TBX15: variants seen among roughly 807,000 people sequenced by gnomAD.
TBX15 encodes the protein T-box transcription factor 15, also known as T-box transcription factor TBX15.
TBX15 carries 18 observed loss-of-function variants against 53.9 expected under a neutral mutation model. The ratio of observed to expected loss-of-function variants is 0.33; its 90% CI spans 0.23 to 0.49. The LOEUF is 0.49. Among genes scored for constraint, TBX15 ranks in the 20% least tolerant of loss-of-function variants. The pLI is 0.98. For missense variants in TBX15, 692 were observed against 749.5 expected (o/e 0.92, Z 0.90); for synonymous variants, 295 against 278.0 (o/e 1.06, Z -0.61).
At chr1:118,978,701 T>C (rs776467180) in intron 1 of TBX15, among the ~76,000 whole-genome samples, 33 of 152,208 alleles carry the variant, frequency 2.2e-4, no homozygotes, top group Non-Finnish European at 3.8e-4. Flanking sequence ...TGAAGACATA[T>C]ATATCCACAT....
At chr1:118,942,342 G>A (rs1388383683) in intron 1 of TBX15, among the ~76,000 whole-genome samples, 1 of 152,136 alleles carries the variant, frequency 6.6e-6, no homozygotes, top group Non-Finnish European at 1.5e-5. Context: ...CACCTATTAT[G>A]CACTCAATAA....
intron 7 of TBX15, among the ~76,000 whole-genome samples, chr1:118,886,781 T>C (rs555533991): frequency 1.3e-5 from 2 of 152,250 alleles, no homozygotes; most frequent in Admixed American, 1.3e-4. Flanking sequence ...GCCTAAGAAT[T>C]TGCATTTCCA....
chr1:118,894,384 T>A (rs901654439), intron 7 of TBX15, among the ~76,000 whole-genome samples: 5 of 152,258 alleles, frequency 3.3e-5, no homozygotes, highest in Admixed American at 1.3e-4. Context: ...ACATGCAAGG[T>A]CTAGCGACAA....
At chr1:118,926,761 A>G (rs1655608592) in intron 2 of TBX15, 150 bp from the exon 3 acceptor site, 3 of 706,970 alleles carry the variant, frequency 4.2e-6, no homozygotes, top group East Asian at 2.9e-5. Flanking sequence ...GCTGGAGTGC[A>G]GTAGCACAAT....
At chr1:118,969,718 G>A (rs1657169134) in intron 1 of TBX15, among the ~76,000 whole-genome samples, 1 of 152,226 alleles carries the variant, frequency 6.6e-6, no homozygotes, top group Non-Finnish European at 1.5e-5. Flanking sequence ...AATGTATCTT[G>A]AAGAAGTATC....
chr1:118,946,953 G>T (rs541941398), intron 1 of TBX15, among the ~76,000 whole-genome samples: 86 of 152,280 alleles, frequency 5.6e-4, no homozygotes, highest in Non-Finnish European at 1.0e-3. Flanking sequence ...AGCTTACCAG[G>T]TTCTTTCTCC....
At chr1:118,944,017 C>G (rs950478048) in intron 1 of TBX15, among the ~76,000 whole-genome samples, 3 of 152,094 alleles carry the variant, frequency 2.0e-5, no homozygotes, top group African/African-American at 7.2e-5. Context: ...GCTTTGATGG[C>G]AGAAAGAAGT....
chr1:118,895,092 G>A (rs983158622), intron 7 of TBX15, among the ~76,000 whole-genome samples: 2 of 152,100 alleles, frequency 1.3e-5, no homozygotes, highest in Admixed American at 1.3e-4. Context: ...TTACTTGTAT[G>A]ACTTGATCGG....
chr1:118,964,540 C>T (rs1041972425), intron 1 of TBX15, among the ~76,000 whole-genome samples: 1 of 152,230 alleles, frequency 6.6e-6, no homozygotes, highest in Non-Finnish European at 1.5e-5. Flanking sequence ...TTGAAAACTT[C>T]CAGGGGCTCC....
intron 7 of TBX15, among the ~76,000 whole-genome samples, chr1:118,898,122 C>G (rs1307430734): frequency 1.3e-5 from 2 of 152,064 alleles, no homozygotes; most frequent in East Asian, 3.9e-4. Context: ...AACTGGGTGT[C>G]AGAAAAGTTG....
intron 1 of TBX15, among the ~76,000 whole-genome samples, chr1:118,986,549 G>A (rs1443722212): frequency 6.6e-6 from 1 of 152,214 alleles, no homozygotes. Context: ...CCTCCTCTGA[G>A]TTGGACAGCT....
chr1:118,906,679 C>T (rs561765170), intron 6 of TBX15, among the ~76,000 whole-genome samples: 1 of 152,306 alleles, frequency 6.6e-6, no homozygotes, highest in South Asian at 2.1e-4. Flanking sequence ...AAGTATCAAC[C>T]TCATTAAACA....
intron 1 of TBX15, among the ~76,000 whole-genome samples, chr1:118,938,358 C>T (rs1656033301): frequency 6.6e-6 from 1 of 152,266 alleles, no homozygotes; most frequent in Non-Finnish European, 1.5e-5. Flanking sequence ...ATCTCACCAA[C>T]TGCCTACAGC....
At chr1:118,902,315 T>C (rs1198953399) in intron 6 of TBX15, among the ~76,000 whole-genome samples, 1 of 152,128 alleles carries the variant, frequency 6.6e-6, no homozygotes, top group Non-Finnish European at 1.5e-5. Context: ...CAATATTTGG[T>C]GTAGTGCCAT....
intron 2 of TBX15, among the ~76,000 whole-genome samples, chr1:118,930,408 ATTTG>A (rs1296174365): frequency 2.6e-5 from 4 of 152,140 alleles, no homozygotes; most frequent in Middle Eastern, 3.4e-3. Context: ...TTATTTATTT[ATTTG>A]TTTGTTTATT....
At chr1:118,988,673 G>A (rs760382032), upstream of TBX15, among the ~76,000 whole-genome samples, 32 of 152,180 alleles carry the variant, frequency 2.1e-4, 1 homozygote, top group Non-Finnish European at 1.5e-4. Context: ...AGTCACTTTA[G>A]TTGCAGATCT....
chr1:118,966,646 C>T (rs1023117537), intron 1 of TBX15, among the ~76,000 whole-genome samples: 1 of 152,150 alleles, frequency 6.6e-6, no homozygotes, highest in Non-Finnish European at 1.5e-5. Context: ...TGAGGCTGGG[C>T]ATTTTAGCAG....
chr1:118,921,122 T>C (rs1364105254), intron 5 of TBX15, among the ~76,000 whole-genome samples: 1 of 152,022 alleles, frequency 6.6e-6, no homozygotes, highest in African/African-American at 2.4e-5. Context: ...AGGGCTGCAG[T>C]GAGCCATGTT....
intron 6 of TBX15, among the ~76,000 whole-genome samples, chr1:118,913,355 T>G (rs941017477): frequency 1.3e-5 from 2 of 152,216 alleles, no homozygotes; most frequent in African/African-American, 4.8e-5. Flanking sequence ...TTGAATAATC[T>G]TAGATATAGC....
Sources: allele counts gnomAD v4.1 joint callset (sites outside exome capture counted in the v4.1 genomes callset), GRCh38; gene constraint gnomAD v4.1.1; transcripts MANE v1.5; gene names NCBI Gene and HGNC (gene_info 2026-07-23, HGNC 2026-07-21).